Variants in SEMA4A observed in about 807,000 individuals in gnomAD.
SEMA4A encodes the protein semaphorin-4A.
Under a neutral mutation model 72.5 loss-of-function variants are expected in SEMA4A, and 52 were observed. That is an observed-to-expected ratio of 0.72 (90% CI 0.57 to 0.90). The LOEUF (loss-of-function observed/expected upper bound fraction) is 0.90. SEMA4A is among the 40% of genes least tolerant of loss of function. SEMA4A has a pLI of 0.00. For missense variants in SEMA4A, 926 were observed against 959.7 expected (o/e 0.96, Z 0.46); for synonymous variants, 369 against 393.1 (o/e 0.94, Z 0.73).
At position 156,154,491 on chromosome 1, in the gene SEMA4A, TC is replaced by T. The variant is rs1652813891; in HGVS notation, c.-29-58del. The T allele has an allele frequency of 2.7e-6, 4 of 1,489,816 alleles. No homozygotes were observed. The Admixed American group carries it at 7.8e-5, about 29-fold the overall frequency. 92.3% of individuals were successfully genotyped at this position (1,489,816 alleles called of 1,614,324 possible). A position where few individuals can be genotyped will look rare whatever the true frequency, so the allele number is the denominator to read the frequency against. ...CTGCCTGGGGCTCTCCTATTGGTCCTCGGGGGGATGTGGTAAGAACTGCTCA... is the reference window on the plus strand; with the variant it reads ...CTGCCTGGGGCTCTCCTATTGGTCCTGGGGGGATGTGGTAAGAACTGCTCA... On this transcript the variant is annotated intron_variant, in intron 1 of 14. Transcript: ENST00000368285.
intron 7 of SEMA4A, 43 bp from the exon 8 acceptor site, chr1:156,160,862 T>G (rs747860157): frequency 6.2e-6 from 10 of 1,612,578 alleles, no homozygotes; most frequent in Non-Finnish European, 3.4e-6. Flanking sequence ...ACCCAGGGCA[T>G]GCAGGGGCTC....
intron 1 of SEMA4A, among the ~76,000 whole-genome samples, chr1:156,154,085 G>C (rs772279220): frequency 3.9e-5 from 6 of 152,172 alleles, no homozygotes; most frequent in Non-Finnish European, 7.4e-5. Context: ...TGAGGCACAG[G>C]TGTCAACAGA....
chr1:156,151,339 G>A (rs745354029), upstream of SEMA4A, among the ~76,000 whole-genome samples: 2 of 152,220 alleles, frequency 1.3e-5, no homozygotes, highest in Non-Finnish European at 2.9e-5. Flanking sequence ...CTGAAGCAGG[G>A]GAGATGGCAG....
At chr1:156,175,459 G>A in intron 13 of SEMA4A, 97 bp from the exon 14 acceptor site, 1 of 1,137,382 alleles carries the variant, frequency 8.8e-7, no homozygotes, top group Non-Finnish European at 1.3e-6. Flanking sequence ...GTCTCCCCTG[G>A]CCTACCTTCT....
Position 156,158,733 on chromosome 1 carries a change from C to T in SEMA4A, c.477C>T (p.Ser159=), listed in dbSNP as rs1653285596. Residue 159 remains serine, a synonymous_variant, in exon 6 of 15, where the codon TCC becomes TCT. Transcript: ENST00000368285. ...TCCCCATTTAGGAACTTCAAGATTC[C>T]TACCTGTTGCCCATCTCGGAGGACA... ...PACTFIELQD[S]YLLPISEDKV... 6.2e-7 allele frequency: 1 copy of T among 1,613,968 alleles called. No individual in the cohort carries two copies. The highest frequency in any genetic ancestry group is 8.5e-7 in the Non-Finnish European group (1 of 1,179,908).
At chr1:156,171,212 TA>T (rs1386816843) in intron 10 of SEMA4A, among the ~76,000 whole-genome samples, 6 of 152,114 alleles carry the variant, frequency 3.9e-5, no homozygotes, top group Non-Finnish European at 8.8e-5. Context: ...GGACACAGCT[TA>T]TAGGTGACAG....
At chr1:156,152,926 G>A (rs1464147137), upstream of SEMA4A, among the ~76,000 whole-genome samples, 2 of 152,134 alleles carry the variant, frequency 1.3e-5, no homozygotes, top group Non-Finnish European at 2.9e-5. Context: ...GGCGCTGGAT[G>A]CCTCATTAAC....
At chr1:156,174,709 C>T (rs1655133561) in intron 11 of SEMA4A, 113 bp from the exon 12 acceptor site, 10 of 1,294,940 alleles carry the variant, frequency 7.7e-6, no homozygotes, top group South Asian at 4.9e-5. Flanking sequence ...GACCCGCGCC[C>T]AGTACATATC....
At position 156,175,787 on chromosome 1, in the gene SEMA4A, T is replaced by C. The variant is rs1433334243; in HGVS notation, c.1693+131T>C. ...TGAGATCTGAACACCCGAGTTGGGATGGATTTGGGTCCTGGCTATAGGGAA... is the reference window on the plus strand; with the variant it reads ...TGAGATCTGAACACCCGAGTTGGGACGGATTTGGGTCCTGGCTATAGGGAA... On this transcript the variant is annotated intron_variant, in intron 14 of 14. Transcript: ENST00000368285. 8.3e-6 allele frequency: 6 copies of C among 722,122 alleles called. No individual in the cohort carries two copies. The Admixed American group carries it at 1.0e-4, about 13-fold the overall frequency. 44.7% of individuals were successfully genotyped at this position (722,122 alleles called of 1,614,324 possible).
At chr1:156,160,836 G>GT (rs1337339931) in intron 7 of SEMA4A, 69 bp from the exon 8 acceptor site, 2 of 1,609,914 alleles carry the variant, frequency 1.2e-6, no homozygotes, top group Admixed American at 1.7e-5. Context: ...CAAACCAACG[G>GT]TTTTCACTCA....
chr1:156,155,448 C>T (rs1041051403), intron 2 of SEMA4A: 1 of 152,682 alleles, frequency 6.5e-6, no homozygotes, highest in African/African-American at 2.4e-5. Flanking sequence ...GGATAAGCCT[C>T]AGCCCCTGCC....
Position 156,158,154 on chromosome 1 carries a change from G to A in SEMA4A, c.363+22G>A, listed in dbSNP as rs1466922651. 4 of 1,612,852 alleles carry A rather than the reference G, an allele frequency of 2.5e-6. No individual in the cohort carries two copies. In the South Asian group the frequency reaches 3.3e-5, roughly 13 times the overall value. ...TGAGGTAAGTGGAGGTGGGGGAGTAGGGGTAGAGTGGGTAGAGAGCTCTGG... is the reference window on the plus strand; with the variant it reads ...TGAGGTAAGTGGAGGTGGGGGAGTAAGGGTAGAGTGGGTAGAGAGCTCTGG... On this transcript the variant is annotated intron_variant, in intron 4 of 14. Coordinates refer to ENST00000368285, the MANE Select transcript of SEMA4A (RefSeq NM_022367.4).
At chr1:156,176,317 C>A in intron 14 of SEMA4A, 88 bp from the exon 15 acceptor site, 1 of 975,222 alleles carries the variant, frequency 1.0e-6, no homozygotes, top group Non-Finnish European at 1.5e-6. Context: ...AAAAAGAGGG[C>A]TGGGGTCCAA....
chr1:156,158,253 G>C, intron 4 of SEMA4A, 121 bp downstream of exon 4: 1 of 1,291,800 alleles, frequency 7.7e-7, no homozygotes, highest in Non-Finnish European at 1.1e-6. Flanking sequence ...GTTATCTCCT[G>C]GATTATGTTC....
chr1:156,154,224 A>G, intron 1 of SEMA4A: 1 of 308,492 alleles, frequency 3.2e-6, no homozygotes, highest in African/African-American at 2.1e-5. Flanking sequence ...GGGAAGGCAA[A>G]GGAGGAAAGA....
intron 3 of SEMA4A, 25 bp from the exon 4 acceptor site, chr1:156,158,045 C>G (rs1043502170): frequency 1.2e-6 from 2 of 1,613,214 alleles, no homozygotes; most frequent in African/African-American, 2.7e-5. Flanking sequence ...CTTTTCATCT[C>G]GCCCTCCCAA....
chr1:156,159,020 C>T (rs2102949073), intron 6 of SEMA4A, 196 bp downstream of exon 6: 10 of 438,060 alleles, frequency 2.3e-5, no homozygotes, highest in South Asian at 7.6e-5. Flanking sequence ...GGCAACACAG[C>T]GAGATCGTCT....
At chr1:156,169,800 G>A (rs1654534959) in intron 10 of SEMA4A, among the ~76,000 whole-genome samples, 1 of 151,738 alleles carries the variant, frequency 6.6e-6, no homozygotes, top group African/African-American at 2.4e-5. Context: ...GCCGAGGCAC[G>A]TGGATCATGA....
intron 11 of SEMA4A, among the ~76,000 whole-genome samples, chr1:156,174,207 AG>A (rs1365911974): frequency 6.6e-6 from 1 of 152,224 alleles, no homozygotes; most frequent in Non-Finnish European, 1.5e-5. Context: ...GATAACCTTG[AG>A]GGTCAGTGGA....
Sources: gnomAD v4.1 joint callset for allele counts (sites outside exome capture counted in the v4.1 genomes callset) on GRCh38, gnomAD v4.1.1 for gene constraint, MANE v1.5 for transcripts, NCBI Gene and HGNC (gene_info 2026-07-23, HGNC 2026-07-21) for gene names.